The following ITSN1 variants were observed in gnomAD, a reference collection of about 807,000 sequenced individuals.
The protein encoded by ITSN1 is intersectin-1.
A neutral mutation model predicts 239.8 loss-of-function variants in ITSN1; 58 were observed. The ratio of observed to expected loss-of-function variants is 0.24; its 90% CI spans 0.20 to 0.30. The LOEUF is 0.30. Ranked by LOEUF, ITSN1 falls within the 10% of genes least tolerant of loss-of-function variation. The pLI, the probability that ITSN1 is intolerant of heterozygous loss-of-function variation, is 1.00. For missense variants in ITSN1, 1,558 were observed against 2,103.3 expected (o/e 0.74, Z 5.07); for synonymous variants, 780 against 770.8 (o/e 1.01, Z -0.20).
chr21:33,818,456 A>T lies in ITSN1; in HGVS notation c.2917A>T (p.Ile973Leu). The T allele has an allele frequency of 6.2e-7, 1 of 1,614,012 alleles. No homozygotes were observed. Among genetic ancestry groups the T allele is most frequent in the Non-Finnish European group, 8.5e-7 (1 of 1,179,844 alleles). The stretch of plus-strand genomic sequence containing the variant: ...TTACGTGAAACTCATTTCAGGGCCC[A>T]TAAGGAAGTCTACAAGGTATTTTTG... ...KSYVKLISGP[I>L]RKSTSMDSGS... Residue 973 changes from isoleucine (I) to leucine (L), a missense_variant, in exon 23 of 40, where the codon ATA becomes TTA. Physicochemically the swap from Ile to Leu is conservative, Grantham distance 5 (BLOSUM62 2). Coordinates refer to ENST00000381318, the MANE Select transcript of ITSN1 (RefSeq NM_003024.3).
At chr21:33,838,895 T>C (rs940185454) in intron 29 of ITSN1, among the ~76,000 whole-genome samples, 1 of 152,194 alleles carries the variant, frequency 6.6e-6, no homozygotes, top group Non-Finnish European at 1.5e-5. Context: ...ATTATGTGGG[T>C]AAAGACAGAA....
intron 4 of ITSN1, among the ~76,000 whole-genome samples, chr21:33,731,629 A>G (rs973546662): frequency 2.0e-5 from 3 of 152,236 alleles, no homozygotes; most frequent in Non-Finnish European, 4.4e-5. Context: ...ACTTTATGCC[A>G]GAGGTGCAAG....
At chr21:33,723,296 G>C (rs11909384) in intron 4 of ITSN1, among the ~76,000 whole-genome samples, 5,089 of 152,190 alleles carry the variant, frequency 0.033, 285 homozygotes, top group African/African-American at 0.12. Flanking sequence ...GTTAATTAGT[G>C]ATACGAAGGC....
rs763952151 is a variant in ITSN1, at chr21:33,836,644, G to C, written c.3661+12G>C. ...CCCAAGCCAGCAATGTAAGTGCCCT[G>C]GTGGCTCTGTCGCCTCGCCTCTCTG... On this transcript the variant is annotated intron_variant, in intron 29 of 39. Transcript: ENST00000381318. 3.1e-6 allele frequency: 5 copies of C among 1,608,596 alleles called. No homozygotes were observed. In the East Asian group the frequency reaches 1.1e-4, roughly 36 times the overall value.
At chr21:33,774,008 C>G (rs958913607) in intron 12 of ITSN1, among the ~76,000 whole-genome samples, 1 of 152,088 alleles carries the variant, frequency 6.6e-6, no homozygotes, top group Non-Finnish European at 1.5e-5. Context: ...CAGACAGACA[C>G]TAACAAAATT....
At chr21:33,722,404 G>A (rs1459015665) in intron 3 of ITSN1, among the ~76,000 whole-genome samples, 184 bp from the exon 4 acceptor site, 6 of 152,190 alleles carry the variant, frequency 3.9e-5, no homozygotes, top group Non-Finnish European at 8.8e-5. Flanking sequence ...GAATTCTAAA[G>A]TCAGTGCTGA....
chr21:33,808,922 A>G (rs1264015533), intron 20 of ITSN1, among the ~76,000 whole-genome samples: 5 of 152,194 alleles, frequency 3.3e-5, no homozygotes, highest in African/African-American at 9.7e-5. Context: ...GATCTTGACT[A>G]TTGAACCTAC....
Position 33,891,452 on chromosome 21 carries a change from T to C in ITSN1, c.*3152T>C, listed in dbSNP as rs1423425621. On this transcript the variant is annotated 3_prime_UTR_variant, in exon 40 of 40. Transcript: ENST00000381318. ...TGGGTAGAGTAGCCCTGAATTTAAC[T>C]GGGGAAAAAATCCCATCAGACTATG... 1 of 152,078 alleles carries C rather than the reference T, an allele frequency of 6.6e-6. No individual in the cohort carries two copies. Among genetic ancestry groups the C allele is most frequent in the Non-Finnish European group, 1.5e-5 (1 of 68,012 alleles). The allele number at this position is 152,078 out of a possible 1,614,324, so 9.4% of individuals were successfully genotyped here.
intron 24 of ITSN1, among the ~76,000 whole-genome samples, chr21:33,819,944 T>C (rs1191817731): frequency 6.6e-6 from 1 of 152,082 alleles, no homozygotes; most frequent in Non-Finnish European, 1.5e-5. Context: ...ATTGCGCCAC[T>C]GCAGTCCGCA....
intron 1 of ITSN1, among the ~76,000 whole-genome samples, chr21:33,707,056 T>C (rs2092275766): frequency 6.6e-6 from 1 of 152,178 alleles, no homozygotes; most frequent in African/African-American, 2.4e-5. Flanking sequence ...TTAAACGAGA[T>C]ATTTTTTAAA....
At chr21:33,644,332 A>G (rs2087725367) in intron 1 of ITSN1, among the ~76,000 whole-genome samples, 2 of 152,228 alleles carry the variant, frequency 1.3e-5, no homozygotes, top group South Asian at 4.1e-4. Context: ...ATATAAATTA[A>G]GAAGTGAGGG....
At chr21:33,761,228 A>G (rs2068300221) in intron 8 of ITSN1, among the ~76,000 whole-genome samples, 1 of 151,970 alleles carries the variant, frequency 6.6e-6, no homozygotes, top group Non-Finnish European at 1.5e-5. Flanking sequence ...GGCTCATGCC[A>G]CCATTCCCAG....
At chr21:33,832,723 G>A (rs1476982428) in intron 27 of ITSN1, among the ~76,000 whole-genome samples, 1 of 152,162 alleles carries the variant, frequency 6.6e-6, no homozygotes, top group Non-Finnish European at 1.5e-5. Context: ...AAAAGCTTTA[G>A]TCCTTGAGCC....
rs1427762779 is a variant in ITSN1, at chr21:33,823,664, AT to A, written c.3183+13del. On this transcript the variant is annotated intron_variant, in intron 25 of 39. Coordinates refer to ENST00000381318, the MANE Select transcript of ITSN1 (RefSeq NM_003024.3). ...CTTAAAGATTCAGAGGTAAACCCAC[AT>A]TAACTGTTTCCTCTCCCTTTCTGTG... 3.1e-6 allele frequency: 5 copies of A among 1,608,886 alleles called. No individual in the cohort carries two copies. The Admixed American group carries it at 5.1e-5, about 16-fold the overall frequency.
chr21:33,765,215 A>G (rs768462208), intron 9 of ITSN1, among the ~76,000 whole-genome samples: 12 of 152,262 alleles, frequency 7.9e-5, no homozygotes, highest in Non-Finnish European at 1.5e-4. Context: ...CTAGAGCAGA[A>G]CATTTAACAA....
intron 29 of ITSN1, among the ~76,000 whole-genome samples, chr21:33,841,370 T>A (rs967315762): frequency 6.7e-6 from 1 of 150,108 alleles, no homozygotes; most frequent in African/African-American, 2.5e-5. Context: ...TATCATCACC[T>A]GGCACATGGT....
In ITSN1 at chr21:33,775,047, G is replaced by C; in HGVS notation, c.1535G>C (p.Ser512Thr). ...ACCACCCAAAGGCAAGAAATTGAGA[G>C]CACAAACAAATCTAGAGAGTTGAGA... ...RLTTQRQEIE[S>T]TNKSRELRIA... Residue 512 changes from serine to threonine, a missense_variant, in exon 14 of 40, where the codon AGC (serine) becomes ACC (threonine). Coordinates refer to ENST00000381318, the MANE Select transcript of ITSN1 (RefSeq NM_003024.3). The C allele has an allele frequency of 1.2e-6, 2 of 1,614,048 alleles. No individual in the cohort carries two copies. The highest frequency in any genetic ancestry group is 1.7e-6 in the Non-Finnish European group (2 of 1,179,956).
chr21:33,715,206 T>G (rs751576548), intron 1 of ITSN1, among the ~76,000 whole-genome samples: 26 of 152,276 alleles, frequency 1.7e-4, no homozygotes, highest in Non-Finnish European at 3.2e-4. Flanking sequence ...TAGCTTAGTA[T>G]TATTGCTTTG....
At chr21:33,755,001 C>T (rs2067813888) in intron 7 of ITSN1, among the ~76,000 whole-genome samples, 1 of 152,152 alleles carries the variant, frequency 6.6e-6, no homozygotes, top group Admixed American at 6.5e-5. Flanking sequence ...AGAGGTTTTT[C>T]ATACTTTTAT....
Sources: gnomAD v4.1 joint callset for allele counts (sites outside exome capture counted in the v4.1 genomes callset) on GRCh38, gnomAD v4.1.1 for gene constraint, MANE v1.5 for transcripts, NCBI Gene and HGNC (gene_info 2026-07-23, HGNC 2026-07-21) for gene names.